Variants in CABP1 observed in about 807,000 individuals in gnomAD.
CABP1 encodes calcium-binding protein 1.
In CABP1, 17 loss-of-function variants were observed where a neutral mutation model predicts 34.3. The observed-to-expected ratio is 0.50, with a 90% confidence interval of 0.34 to 0.74. The LOEUF (loss-of-function observed/expected upper bound fraction) is 0.74. Among genes scored for constraint, CABP1 ranks in the 30% least tolerant of loss-of-function variants. The pLI, the probability that CABP1 is intolerant of heterozygous loss-of-function variation, is 0.01. For synonymous variants in CABP1, 198 were observed against 229.2 expected, an observed-to-expected ratio of 0.86 and a Z score of 1.23; for missense variants, 373 against 511.1, an observed-to-expected ratio of 0.73 and a Z score of 2.61.
chr12:120,660,278 C>A lies in CABP1; in HGVS notation c.768C>A (p.Thr256=). 6.2e-7 allele frequency: 1 copy of A among 1,608,660 alleles called. No homozygotes were observed. Among genetic ancestry groups the A allele is most frequent in the East Asian group, 2.2e-5 (1 of 44,628 alleles). ...GGGATCTGGGCAACTGCATGCGCAC[C>A]ATGGGCTACATGCCCACCGAGATGG... ...NCRDLGNCMR[T]MGYMPTEMEL... is the part of the protein sequence containing the mutation. Residue 256 remains threonine, a synonymous_variant, in exon 3 of 6, where the codon ACC becomes ACA. Transcript: ENST00000316803. This position sits in a 1 kb window ranked among gnomAD's most constrained non-coding sequence, Gnocchi z 5.0.
chr12:120,649,198 T>G (rs1342805729), intron 1 of CABP1, among the ~76,000 whole-genome samples: 1 of 152,096 alleles, frequency 6.6e-6, no homozygotes, highest in Non-Finnish European at 1.5e-5. Flanking sequence ...CCCAGCTCCC[T>G]AGGAGTGAGC....
At chr12:120,674,601 G>GT in the CABP1 span, among the ~76,000 whole-genome samples, 1 of 152,136 alleles carries the variant, frequency 6.6e-6, no homozygotes, top group East Asian at 1.9e-4. Context: ...ACAAGCACAT[G>GT]TTTTTTGGCA....
At chr12:120,647,098 C>A (rs574246544) in intron 1 of CABP1, among the ~76,000 whole-genome samples, 1 of 152,298 alleles carries the variant, frequency 6.6e-6, no homozygotes, top group African/African-American at 2.4e-5. Flanking sequence ...GTGCTATGCC[C>A]GGACTGGCCT....
At chr12:120,658,385 A>C (rs1880387848) in intron 1 of CABP1, among the ~76,000 whole-genome samples, 2 of 151,974 alleles carry the variant, frequency 1.3e-5, no homozygotes, top group Admixed American at 6.6e-5. Context: ...GGCGTGGACC[A>C]CCGTGCCTGG....
rs55848637 is a variant in CABP1, at chr12:120,666,473, CAAAAAA to C, written c.1088-385_1088-380del. ...TGGGTGACAGAGCAAGACTCCATCT[CAAAAAA>C]AAAAAAAAAAAAAAAATGCTGAGAG... On this transcript the variant is annotated intron_variant, in intron 5 of 5. Transcript: ENST00000316803. Among the ~76,000 whole-genome samples the C allele has an allele frequency of 6.2e-5, 5 of 81,130 alleles. No individual in the cohort carries two copies. In the South Asian group the frequency reaches 2.0e-3, roughly 33 times the overall value. 53.2% of individuals were successfully genotyped at this position (81,130 alleles called of 152,430 possible).
At chr12:120,664,612 G>A (rs1189955350) in intron 5 of CABP1, among the ~76,000 whole-genome samples, 2 of 152,200 alleles carry the variant, frequency 1.3e-5, no homozygotes, top group African/African-American at 4.8e-5. Flanking sequence ...TGTGGCTCAT[G>A]CCTGTAATCC....
intron 1 of CABP1, among the ~76,000 whole-genome samples, chr12:120,651,642 A>G (rs531042855): frequency 6.6e-6 from 1 of 152,300 alleles, no homozygotes; most frequent in South Asian, 2.1e-4. Flanking sequence ...CGGGTGAGCT[A>G]TTGGCGTCTG....
downstream of CABP1, among the ~76,000 whole-genome samples, chr12:120,671,112 CTTAG>C (rs1881237199): frequency 6.6e-6 from 1 of 152,076 alleles, no homozygotes; most frequent in Non-Finnish European, 1.5e-5. Context: ...ATCAGCAGTG[CTTAG>C]TTAGGAGAGG....
chr12:120,643,453 G>C (rs1400193926), intron 1 of CABP1, among the ~76,000 whole-genome samples: 1 of 152,158 alleles, frequency 6.6e-6, no homozygotes, highest in African/African-American at 2.4e-5. Context: ...AGGCAGATGG[G>C]GTTCTGAATA....
intron 1 of CABP1, among the ~76,000 whole-genome samples, chr12:120,653,093 A>G (rs1456002972): frequency 6.6e-6 from 1 of 152,200 alleles, no homozygotes; most frequent in Non-Finnish European, 1.5e-5. Flanking sequence ...ACCACTCTCC[A>G]TTCTTCATGG....
Position 120,641,278 on chromosome 12 carries a change from C to G in CABP1, c.593C>G (p.Ala198Gly). Residue 198 changes from alanine to glycine, a missense_variant, in exon 1 of 6, where the codon GCG becomes GGG. This residue lies in a region of CABP1 where 121 missense variants were observed against 125.5 expected (regional missense o/e 0.96). Coordinates refer to ENST00000316803, the MANE Select transcript of CABP1 (RefSeq NM_001033677.2). This position sits in a 1 kb window ranked among gnomAD's most constrained non-coding sequence, Gnocchi z 6.7. ...CGCGGGGACTCCGTTCCAGCCGCCG[C>G]GTCCGAGGCGGACCCGTTCCTCCAC... Reference protein sequence around the residue: ...RGRGDSVPAAASEADPFLHRL... With the variant: ...RGRGDSVPAAGSEADPFLHRL... 1 of 1,314,038 alleles carries G rather than the reference C, an allele frequency of 7.6e-7. No individual in the cohort carries two copies. Among genetic ancestry groups the G allele is most frequent in the Non-Finnish European group, 9.7e-7 (1 of 1,033,572 alleles). 81.4% of individuals were successfully genotyped at this position (1,314,038 alleles called of 1,614,324 possible).
downstream of CABP1, among the ~76,000 whole-genome samples, chr12:120,670,222 T>G (rs2137385316): frequency 6.6e-6 from 1 of 152,314 alleles, no homozygotes; most frequent in Non-Finnish European, 1.5e-5. Context: ...CTTGAACTCC[T>G]GGCCTCAAGG....
In CABP1 at chr12:120,641,506, C is replaced by A; in HGVS notation, c.654+167C>A. ...GCGCCCTTGCCGGCACTCCTCCTCC[C>A]CGTGCCTGATTCAGCACCCCGTGCG... On this transcript the variant is annotated intron_variant, in intron 1 of 5. Transcript: ENST00000316803. The surrounding 1 kb of genome is among the most constrained non-coding windows in gnomAD (Gnocchi z 6.7). 1 of 682,180 alleles carries A rather than the reference C, an allele frequency of 1.5e-6. No homozygotes were observed. The highest frequency in any genetic ancestry group is 2.1e-6 in the Non-Finnish European group (1 of 486,796). 42.3% of individuals were successfully genotyped at this position (682,180 alleles called of 1,614,324 possible). A position where few individuals can be genotyped will look rare whatever the true frequency, so the allele number is the denominator to read the frequency against.
intron 1 of CABP1, among the ~76,000 whole-genome samples, chr12:120,652,291 C>T (rs1593159317): frequency 6.6e-6 from 1 of 152,024 alleles, no homozygotes; most frequent in East Asian, 1.9e-4. Flanking sequence ...GAGAGATTTT[C>T]AGTCCACAGA....
At position 120,660,002 on chromosome 12, in the gene CABP1, G is replaced by T. The variant is rs1880525289; in HGVS notation, c.685+94G>T. The T allele has an allele frequency of 7.2e-7, 1 of 1,385,138 alleles. No homozygotes were observed. Among genetic ancestry groups the T allele is most frequent in the Non-Finnish European group, 1.0e-6 (1 of 989,484 alleles). 85.8% of individuals were successfully genotyped at this position (1,385,138 alleles called of 1,614,324 possible). A position where few individuals can be genotyped will look rare whatever the true frequency, so the allele number is the denominator to read the frequency against. On this transcript the variant is annotated intron_variant, in intron 2 of 5. Coordinates refer to ENST00000316803, the MANE Select transcript of CABP1 (RefSeq NM_001033677.2). This position sits in a 1 kb window ranked among gnomAD's most constrained non-coding sequence, Gnocchi z 5.0. ...GGGAAGAGAGGCCCCTGGAAATGGGGCCTGGTGCAACGCGGGGTATCTTCT... is the reference window on the plus strand; with the variant it reads ...GGGAAGAGAGGCCCCTGGAAATGGGTCCTGGTGCAACGCGGGGTATCTTCT...
chr12:120,657,686 A>G (rs998160137), intron 1 of CABP1, among the ~76,000 whole-genome samples: 1 of 152,232 alleles, frequency 6.6e-6, no homozygotes, highest in Non-Finnish European at 1.5e-5. Flanking sequence ...AGGACCAGCC[A>G]TCAGTGCTCA....
chr12:120,661,226 G>A lies in CABP1; in HGVS notation c.1087+8G>A. 2 of 1,602,770 alleles carry A rather than the reference G, an allele frequency of 1.2e-6. No individual in the cohort carries two copies. Among genetic ancestry groups the A allele is most frequent in the Non-Finnish European group, 1.7e-6 (2 of 1,178,736 alleles). ...GACGAGTGGACTTTGAAGGTAGGTG[G>A]GGCTTGAAAGTGGGAGAGAAGCAAG... On this transcript the variant is annotated splice_region_variant and intron_variant, in intron 5 of 5. Coordinates refer to ENST00000316803, the MANE Select transcript of CABP1 (RefSeq NM_001033677.2). The surrounding 1 kb of genome is among the most constrained non-coding windows in gnomAD (Gnocchi z 5.1).
At chr12:120,678,226 A>C in the CABP1 span, among the ~76,000 whole-genome samples, 1 of 152,160 alleles carries the variant, frequency 6.6e-6, no homozygotes, top group Admixed American at 6.5e-5. Context: ...TATCCCATAA[A>C]CTTAAAAATA....
intron 1 of CABP1, chr12:120,650,809 G>GCCT (rs1389360985): frequency 1.0e-6 from 1 of 960,044 alleles, no homozygotes; most frequent in Non-Finnish European, 1.6e-6. Context: ...GTCCAGGGCT[G>GCCT]CCTCCCTGCT....
Sources: gnomAD v4.1 joint callset for allele counts (sites outside exome capture counted in the v4.1 genomes callset) on GRCh38, gnomAD v4.1.1 for gene constraint, gnomAD v4.1.1 regional missense constraint, Gnocchi (gnomAD v3.1) non-coding constraint, MANE v1.5 for transcripts, NCBI Gene and HGNC (gene_info 2026-07-23, HGNC 2026-07-21) for gene names.